The following AMPD3 variants were observed in gnomAD, a reference collection of about 807,000 sequenced individuals.
AMPD3 encodes AMP deaminase 3.
AMPD3 carries 57 observed loss-of-function variants against 82.3 expected under a neutral mutation model. That is an observed-to-expected ratio of 0.69 (90% CI 0.56 to 0.86). The LOEUF (loss-of-function observed/expected upper bound fraction) is 0.86, where lower values mean the gene tolerates loss of function less well. AMPD3 is among the 40% of genes least tolerant of loss of function. The probability of loss-of-function intolerance (pLI) is 0.00; values close to 1 mark genes in which losing one functional copy is unlikely to be tolerated. For synonymous variants in AMPD3, 381 were observed against 394.7 expected, an observed-to-expected ratio of 0.97 and a Z score of 0.41; for missense variants, 870 against 1,003.8, an observed-to-expected ratio of 0.87 and a Z score of 1.80.
chr11:10,458,226 C>T (rs1176827687), intron 1 of AMPD3, among the ~76,000 whole-genome samples: 1 of 138,594 alleles, frequency 7.2e-6, no homozygotes, highest in African/African-American at 2.7e-5. Flanking sequence ...TCCCAAATTG[C>T]CTGGACAACA....
At chr11:10,482,262 G>T in intron 4 of AMPD3, 37 bp downstream of exon 4, 1 of 1,606,642 alleles carries the variant, frequency 6.2e-7, no homozygotes. Flanking sequence ...TCCCAAGTGT[G>T]GGCAGACCGA....
chr11:10,477,122 A>C, intron 2 of AMPD3: 1 of 985,398 alleles, frequency 1.0e-6, no homozygotes, highest in Non-Finnish European at 1.2e-6. Flanking sequence ...ATACCTGGCC[A>C]CAGGCCAAGA....
At chr11:10,496,004 A>G (rs1298820532) in intron 9 of AMPD3, among the ~76,000 whole-genome samples, 1 of 140,134 alleles carries the variant, frequency 7.1e-6, no homozygotes, top group Non-Finnish European at 1.5e-5. Context: ...TGCAACCTCC[A>G]CCTCCCTGAT....
chr11:10,469,239 A>C (rs1195192430), intron 2 of AMPD3, among the ~76,000 whole-genome samples: 3 of 152,108 alleles, frequency 2.0e-5, no homozygotes, highest in African/African-American at 2.4e-5. Flanking sequence ...TGAAATAAAT[A>C]GACTGCTAGC....
chr11:10,499,683 C>A, intron 10 of AMPD3: 1 of 985,444 alleles, frequency 1.0e-6, no homozygotes, highest in Non-Finnish European at 1.2e-6. Context: ...TACTAGGACC[C>A]TTTTCCCTCA....
chr11:10,496,839 G>T lies in AMPD3; in HGVS notation c.1458G>T (p.Leu486=), dbSNP rs767751518. Residue 486 remains leucine, a synonymous_variant, in exon 10 of 15, where the codon CTG becomes CTT. Coordinates refer to ENST00000396553, the MANE Select transcript of AMPD3 (RefSeq NM_001025389.2). The part of the protein sequence containing the change: ...IYDIFRSKKL[L]PNFGKMLENI... ...ACATATTTAGGTCAAAGAAGCTGCTGCCAAACTTTGGGAAGATGCTGGAGA... is the reference window on the plus strand; with the variant it reads ...ACATATTTAGGTCAAAGAAGCTGCTTCCAAACTTTGGGAAGATGCTGGAGA... 2.7e-5 allele frequency: 44 copies of T among 1,614,162 alleles called. No individual in the cohort carries two copies. The highest frequency in any genetic ancestry group is 3.6e-5 in the Non-Finnish European group (43 of 1,180,036).
intron 12 of AMPD3, chr11:10,502,380 G>C: frequency 1.0e-6 from 1 of 985,462 alleles, no homozygotes; most frequent in Non-Finnish European, 1.2e-6. Context: ...TTCTAGACTG[G>C]GTCCGTGCCT....
intron 3 of AMPD3, among the ~76,000 whole-genome samples, chr11:10,479,382 A>C (rs1204036212): frequency 6.6e-6 from 1 of 152,184 alleles, no homozygotes; most frequent in Non-Finnish European, 1.5e-5. Context: ...GCCCCAACTC[A>C]CTACTTAACG....
intron 2 of AMPD3, 38 bp from the exon 3 acceptor site, chr11:10,478,488 T>G (rs1848804738): frequency 6.2e-7 from 1 of 1,612,184 alleles, no homozygotes; most frequent in Non-Finnish European, 8.5e-7. Flanking sequence ...CCAATTAGCT[T>G]CTGATGTCTC....
chr11:10,504,986 T>C, intron 14 of AMPD3: 1 of 371,506 alleles, frequency 2.7e-6, no homozygotes, highest in Non-Finnish European at 3.7e-6. Context: ...TTTTTCTGTC[T>C]TTCCCTCTAG....
chr11:10,465,271 A>T (rs73409935), intron 2 of AMPD3, among the ~76,000 whole-genome samples: 21,162 of 152,204 alleles, frequency 0.14, 1,576 homozygotes, highest in African/African-American at 0.17. Flanking sequence ...CACCTCTGAG[A>T]TCATAACTGG....
chr11:10,479,798 C>T (rs572020792), intron 3 of AMPD3: 2 of 665,402 alleles, frequency 3.0e-6, no homozygotes, highest in East Asian at 2.7e-4. Flanking sequence ...ATATAAAGAA[C>T]TTCTTTGTCC....
chr11:10,468,252 T>G lies in AMPD3; in HGVS notation c.221+6512T>G, dbSNP rs183922979. 2.0e-5 allele frequency among the ~76,000 whole-genome samples: 3 copies of G among 151,676 alleles called. No homozygotes were observed. In the East Asian group the frequency reaches 5.8e-4, roughly 29 times the overall value. The stretch of plus-strand genomic sequence containing the variant: ...TGGATGAAGAGTCAAGACCCAACAG[T>G]GTGCTGTATTCAGGAGACTCATCTC... On this transcript the variant is annotated intron_variant, in intron 2 of 14. Coordinates refer to ENST00000396553, the MANE Select transcript of AMPD3 (RefSeq NM_001025389.2).
intron 1 of AMPD3, among the ~76,000 whole-genome samples, chr11:10,459,051 C>T (rs1848182972): frequency 6.6e-6 from 1 of 152,088 alleles, no homozygotes; most frequent in Non-Finnish European, 1.5e-5. Flanking sequence ...TTGATGGCCT[C>T]CAGCTTCCCC....
chr11:10,459,759 C>T (rs1001125069), intron 1 of AMPD3, among the ~76,000 whole-genome samples: 6 of 151,960 alleles, frequency 3.9e-5, no homozygotes, highest in South Asian at 4.2e-4. Flanking sequence ...CGGACACATA[C>T]GTGGACAAAG....
chr11:10,481,885 T>C, intron 3 of AMPD3, 178 bp from the exon 4 acceptor site: 1 of 738,958 alleles, frequency 1.4e-6, no homozygotes, highest in South Asian at 1.5e-5. Context: ...ACCATATTGT[T>C]TGTACAAGTA....
intron 5 of AMPD3, among the ~76,000 whole-genome samples, chr11:10,485,831 T>G (rs1016336043): frequency 2.1e-5 from 3 of 143,126 alleles, no homozygotes; most frequent in African/African-American, 7.4e-5. Flanking sequence ...TGGGCAGCCA[T>G]CTTTCTGAAT....
In AMPD3 at chr11:10,500,201, A is replaced by G. The variant is rs1322821478; in HGVS notation, c.1673A>G (p.Tyr558Cys). The G allele has an allele frequency of 6.2e-7, 1 of 1,614,174 alleles. No individual in the cohort carries two copies. Among genetic ancestry groups the G allele is most frequent in the Non-Finnish European group, 8.5e-7 (1 of 1,180,004 alleles). ...TSEQNPPYSY[Y>C]LYYMYANIMV... Reference sequence around the variant, plus strand: ...GAGCAGAACCCACCCTACAGCTACTACCTGTACTACATGTATGCCAACATC... The same window carrying G: ...GAGCAGAACCCACCCTACAGCTACTGCCTGTACTACATGTATGCCAACATC... The change falls in exon 11 of 15, where the codon TAC (tyrosine) becomes TGC (cysteine). Residue 558 changes from tyrosine to cysteine, a missense_variant. Transcript: ENST00000396553.
chr11:10,482,481 A>G (rs146850959), intron 4 of AMPD3, among the ~76,000 whole-genome samples: 44 of 152,196 alleles, frequency 2.9e-4, no homozygotes, highest in Non-Finnish European at 5.7e-4. Context: ...TTGGGAGTCC[A>G]CCAGGGAGAC....
Sources: gnomAD v4.1 joint callset for allele counts (sites outside exome capture counted in the v4.1 genomes callset) on GRCh38, gnomAD v4.1.1 for gene constraint, MANE v1.5 for transcripts, NCBI Gene and HGNC (gene_info 2026-07-23, HGNC 2026-07-21) for gene names.